The following MYLK variants were observed in gnomAD, a reference collection of about 807,000 sequenced individuals.
MYLK encodes the protein myosin light chain kinase, smooth muscle.
Under a neutral mutation model 203.4 loss-of-function variants are expected in MYLK, and 106 were observed. That is an observed-to-expected ratio of 0.52 (90% CI 0.45 to 0.61). The LOEUF (loss-of-function observed/expected upper bound fraction) is 0.61. MYLK is among the 20% of genes least tolerant of loss of function. The pLI is 0.00. For missense variants in MYLK, 2,072 were observed against 2,442.3 expected (o/e 0.85, Z 3.20); for synonymous variants, 867 against 959.5 (o/e 0.90, Z 1.78).
chr3:123,628,141 A>T (rs1455342117), intron 30 of MYLK, among the ~76,000 whole-genome samples: 1 of 152,186 alleles, frequency 6.6e-6, no homozygotes, highest in Non-Finnish European at 1.5e-5. Flanking sequence ...ACAGACTGTG[A>T]CAGCAAAAGG....
chr3:123,632,110 C>T (rs1260650988), intron 29 of MYLK, among the ~76,000 whole-genome samples: 3 of 152,036 alleles, frequency 2.0e-5, no homozygotes, highest in African/African-American at 7.2e-5. Context: ...GACCTCGTGT[C>T]GTGATCTGCC....
intron 3 of MYLK, among the ~76,000 whole-genome samples, chr3:123,809,741 C>A (rs564189623): frequency 5.9e-5 from 9 of 152,180 alleles, no homozygotes; most frequent in Admixed American, 1.3e-4. Context: ...TGCCCTGCTT[C>A]TGAGACTAGC....
intron 18 of MYLK, among the ~76,000 whole-genome samples, chr3:123,699,643 T>C (rs1163990367): frequency 6.6e-6 from 1 of 152,192 alleles, no homozygotes; most frequent in Non-Finnish European, 1.5e-5. Flanking sequence ...TCCAAGCCTG[T>C]AGACAGAGCC....
intron 3 of MYLK, among the ~76,000 whole-genome samples, chr3:123,828,533 A>G (rs951975031): frequency 5.3e-5 from 8 of 152,222 alleles, no homozygotes; most frequent in Admixed American, 1.3e-4. Flanking sequence ...ATGCCTCAGA[A>G]CATTGGTCTG....
At chr3:123,655,100 T>C (rs985160389) in intron 24 of MYLK, among the ~76,000 whole-genome samples, 5 of 152,220 alleles carry the variant, frequency 3.3e-5, no homozygotes, top group African/African-American at 1.2e-4. Flanking sequence ...TGGCCTCTCT[T>C]TCTTCCATTT....
At chr3:123,786,218 G>A (rs950026072) in intron 4 of MYLK, among the ~76,000 whole-genome samples, 30 of 151,590 alleles carry the variant, frequency 2.0e-4, no homozygotes, top group African/African-American at 7.0e-4. Context: ...CAGGAGTGTC[G>A]CTCGAACCTG....
At chr3:123,776,210 G>C (rs541621725) in intron 4 of MYLK, among the ~76,000 whole-genome samples, 1 of 152,164 alleles carries the variant, frequency 6.6e-6, no homozygotes, top group South Asian at 2.1e-4. Context: ...ACCAAGCTAC[G>C]AGCTGGGGCA....
intron 18 of MYLK, 124 bp from the exon 19 acceptor site, chr3:123,692,975 G>T (rs913770793): frequency 1.2e-6 from 1 of 808,892 alleles, no homozygotes; most frequent in African/African-American, 1.7e-5. Flanking sequence ...CAGAGGCCTT[G>T]TGGGAACCAA....
chr3:123,765,530 C>G (rs1445129449), intron 4 of MYLK, among the ~76,000 whole-genome samples: 1 of 90,900 alleles, frequency 1.1e-5, no homozygotes. Flanking sequence ...GATTCCACCT[C>G]AAAAAAAAAA....
At chr3:123,758,590 C>T (rs1360716162) in intron 4 of MYLK, among the ~76,000 whole-genome samples, 1 of 152,104 alleles carries the variant, frequency 6.6e-6, no homozygotes, top group African/African-American at 2.4e-5. Context: ...CCCTGCACCT[C>T]GACATCTGCA....
intron 4 of MYLK, among the ~76,000 whole-genome samples, chr3:123,784,094 G>A (rs1396221240): frequency 6.6e-6 from 1 of 152,160 alleles, no homozygotes; most frequent in Non-Finnish European, 1.5e-5. Flanking sequence ...GAAAAGCAAG[G>A]TCCTCACTGG....
At chr3:123,841,621 T>G (rs2066593981) in intron 2 of MYLK, among the ~76,000 whole-genome samples, 1 of 152,126 alleles carries the variant, frequency 6.6e-6, no homozygotes, top group Non-Finnish European at 1.5e-5. Context: ...TACTCCCTTT[T>G]CTAGCTACCA....
intron 29 of MYLK, among the ~76,000 whole-genome samples, chr3:123,637,048 C>T (rs2058667371): frequency 6.6e-6 from 1 of 152,152 alleles, no homozygotes; most frequent in South Asian, 2.1e-4. Context: ...AGTCTGAAGG[C>T]CCCAGGGGTC....
In MYLK at chr3:123,733,030, A is replaced by T; in HGVS notation, c.1382T>A (p.Ile461Asn). 1 of 1,614,096 alleles carries T rather than the reference A, an allele frequency of 6.2e-7. No homozygotes were observed. Among genetic ancestry groups the T allele is most frequent in the African/African-American group, 1.3e-5 (1 of 75,040 alleles). ...GTPVRRQEGS[I>N]EVYEDAGSHY... ...GGAGCCAGCATCTTCATAAACCTCAATGCTGCCTTCCTGTCTCCTCACGGG... is the reference window on the plus strand; with the variant it reads ...GGAGCCAGCATCTTCATAAACCTCATTGCTGCCTTCCTGTCTCCTCACGGG... Residue 461 changes from isoleucine (I) to asparagine (N), a missense_variant, in exon 11 of 34, where the codon ATT becomes AAT. Physicochemically the swap from Ile to Asn is moderately radical, Grantham distance 149. Transcript: ENST00000360304.
intron 30 of MYLK, among the ~76,000 whole-genome samples, chr3:123,627,363 C>T (rs2107980284): frequency 6.6e-6 from 1 of 152,306 alleles, no homozygotes; most frequent in Admixed American, 6.5e-5. Context: ...GAGTTAAATC[C>T]TAGGATAAAA....
Position 123,686,370 on chromosome 3 carries a change from G to GTT in MYLK, c.3566-4062_3566-4061dup, listed in dbSNP as rs57730652. Reference sequence around the variant, plus strand: ...TCTGGACTCAAGCTCTCTGGGCAGCGTTTTTTTTTTTTTAATCTCCCCCAA... The same window carrying GTT: ...TCTGGACTCAAGCTCTCTGGGCAGCGTTTTTTTTTTTTTTTAATCTCCCCCAA... On this transcript the variant is annotated intron_variant, in intron 19 of 33. Transcript: ENST00000360304. Among the ~76,000 whole-genome samples the GTT allele has an allele frequency of 5.6e-4, 83 of 147,782 alleles. 1 individual carries two copies. Among genetic ancestry groups the GTT allele is most frequent in the East Asian group, 1.4e-3 (7 of 5,006 alleles).
chr3:123,649,232 T>A, intron 24 of MYLK, 38 bp from the exon 25 acceptor site: 1 of 1,611,268 alleles, frequency 6.2e-7, no homozygotes, highest in Non-Finnish European at 8.5e-7. Flanking sequence ...AGGACACAGG[T>A]GATTAGTACT....
At chr3:123,794,601 C>A (rs1274271032) in intron 3 of MYLK, among the ~76,000 whole-genome samples, 1 of 152,132 alleles carries the variant, frequency 6.6e-6, no homozygotes, top group Non-Finnish European at 1.5e-5. Context: ...GACAAGAACA[C>A]CTTAAGCCCT....
At position 123,700,743 on chromosome 3, in the gene MYLK, T is replaced by A. The variant is rs895275590; in HGVS notation, c.2725A>T (p.Thr909Ser). 4 of 1,614,066 alleles carry A rather than the reference T, an allele frequency of 2.5e-6. No homozygotes were observed. The Admixed American group carries it at 6.7e-5, about 27-fold the overall frequency. Residue 909 changes from threonine to serine, a missense_variant, in exon 18 of 34, where the codon ACC (threonine) becomes TCC (serine). Physicochemically the swap from Thr to Ser is moderately conservative, Grantham distance 58 (BLOSUM62 1). Coordinates refer to ENST00000360304, the MANE Select transcript of MYLK (RefSeq NM_053025.4). ...DLLGKKVSTKTLSEDDLKEIP... is the reference protein window; with the variant it reads ...DLLGKKVSTKSLSEDDLKEIP... ...TCCTTCAGGTCGTCTTCCGATAGGG[T>A]CTTTGTACTCACCTTCTTCCCCAGG...
Sources: allele counts gnomAD v4.1 joint callset (sites outside exome capture counted in the v4.1 genomes callset), GRCh38; gene constraint gnomAD v4.1.1; transcripts MANE v1.5; gene names NCBI Gene and HGNC (gene_info 2026-07-23, HGNC 2026-07-21).